Variants in NIPBL observed in about 807,000 individuals in gnomAD.
NIPBL encodes the protein nipped-B-like protein.
Under a neutral mutation model 321.8 loss-of-function variants are expected in NIPBL, and 19 were observed. The ratio of observed to expected loss-of-function variants is 0.06; its 90% CI spans 0.04 to 0.09. The LOEUF (loss-of-function observed/expected upper bound fraction) is 0.09. Ranked by LOEUF, NIPBL falls within the 10% of genes least tolerant of loss-of-function variation. NIPBL has a pLI of 1.00. For synonymous variants in NIPBL, 1,106 were observed against 1,114.1 expected, an observed-to-expected ratio of 0.99 and a Z score of 0.14; for missense variants, 2,210 against 3,327.0, an observed-to-expected ratio of 0.66 and a Z score of 8.26.
intron 11 of NIPBL, among the ~76,000 whole-genome samples, chr5:36,998,137 G>C (rs920898213): frequency 1.3e-5 from 2 of 152,060 alleles, no homozygotes; most frequent in Admixed American, 1.3e-4. Context: ...GAACACCCAA[G>C]TCATGTTTTA....
intron 9 of NIPBL, among the ~76,000 whole-genome samples, chr5:36,983,912 T>C (rs950785305): frequency 6.6e-6 from 1 of 152,034 alleles, no homozygotes; most frequent in African/African-American, 2.4e-5. Context: ...GAGTAGGAAC[T>C]GTTTCCTTCA....
intron 1 of NIPBL, among the ~76,000 whole-genome samples, chr5:36,952,332 A>T (rs1022133532): frequency 6.6e-6 from 1 of 152,152 alleles, no homozygotes; most frequent in Non-Finnish European, 1.5e-5. Flanking sequence ...AACCTTAAAA[A>T]GATAAATATT....
chr5:36,942,043 T>A (rs1739117094), intron 1 of NIPBL, among the ~76,000 whole-genome samples: 1 of 152,200 alleles, frequency 6.6e-6, no homozygotes, highest in Non-Finnish European at 1.5e-5. Flanking sequence ...CATTGATAGC[T>A]TCTTTTTCTG....
At position 36,985,085 on chromosome 5, in the gene NIPBL, A is replaced by T; in HGVS notation, c.1905A>T (p.Ser635=). The T allele has an allele frequency of 6.2e-7, 1 of 1,613,956 alleles. No individual in the cohort carries two copies. Among genetic ancestry groups the T allele is most frequent in the East Asian group, 2.2e-5 (1 of 44,880 alleles). ...PNENRLVETK[S]SENKLETKVE... ...AAAACCGATTGGTGGAGACAAAATC[A>T]AGTGAAAATAAGTTAGAAACTAAAG... Residue 635 remains serine, a synonymous_variant, in exon 10 of 47, where the codon TCA becomes TCT. Transcript: ENST00000282516.
rs117854925 is a variant in NIPBL, at chr5:36,899,849, T to C, written c.-80+22671T>C. Among the ~76,000 whole-genome samples, 70 of 152,342 alleles carry C rather than the reference T, an allele frequency of 4.6e-4. No individual in the cohort carries two copies. In the East Asian group the frequency reaches 0.013, roughly 29 times the overall value. On this transcript the variant is annotated intron_variant, in intron 1 of 46. Coordinates refer to ENST00000282516, the MANE Select transcript of NIPBL (RefSeq NM_133433.4). ...TTTTCAGTATACTGTTCTTGGACTT[T>C]ATGACAGACTAGGGGTACTTAATGC... is the stretch of plus-strand genomic sequence containing the variant.
chr5:37,045,999 A>T (rs1752941574), intron 37 of NIPBL, 110 bp from the exon 38 acceptor site: 1 of 664,172 alleles, frequency 1.5e-6, no homozygotes, highest in Non-Finnish European at 2.7e-6. Context: ...TTATTTTTTT[A>T]ATAAAGTTCA....
intron 1 of NIPBL, among the ~76,000 whole-genome samples, chr5:36,913,964 A>G (rs1269628285): frequency 6.6e-6 from 1 of 152,196 alleles, no homozygotes; most frequent in African/African-American, 2.4e-5. Context: ...TCTTGCTCAC[A>G]TTACTTATCC....
intron 1 of NIPBL, among the ~76,000 whole-genome samples, chr5:36,901,874 G>A (rs766146430): frequency 2.6e-5 from 4 of 152,102 alleles, no homozygotes; most frequent in Non-Finnish European, 5.9e-5. Context: ...ATTCCCACCA[G>A]CAGTGTATAA....
chr5:37,063,366 A>G (rs1450426940), intron 45 of NIPBL, among the ~76,000 whole-genome samples: 1 of 152,210 alleles, frequency 6.6e-6, no homozygotes, highest in Non-Finnish European at 1.5e-5. Flanking sequence ...TTTCTCTTGT[A>G]TCGTCTTAGC....
chr5:36,962,854 G>A (rs1741781758), intron 6 of NIPBL, among the ~76,000 whole-genome samples: 1 of 151,984 alleles, frequency 6.6e-6, no homozygotes. Flanking sequence ...TAGTGCATAG[G>A]GCTATATGCA....
At chr5:36,973,710 C>T (rs1471055026) in intron 8 of NIPBL, among the ~76,000 whole-genome samples, 25 of 152,130 alleles carry the variant, frequency 1.6e-4, no homozygotes, top group Non-Finnish European at 1.5e-5. Flanking sequence ...ACCTCGTGAT[C>T]TGCCCGCCTC....
At chr5:37,051,516 T>G in intron 40 of NIPBL, 1 of 506,000 alleles carries the variant, frequency 2.0e-6, no homozygotes, top group Non-Finnish European at 3.5e-6. Context: ...TGAGAATGCT[T>G]TATGTTTAAA....
intron 22 of NIPBL, among the ~76,000 whole-genome samples, chr5:37,015,418 C>T (rs1748841012): frequency 6.6e-6 from 1 of 152,158 alleles, no homozygotes; most frequent in Non-Finnish European, 1.5e-5. Flanking sequence ...GCCACTGCGC[C>T]CAGCCCAGCC....
At chr5:36,961,985 T>A (rs1339732686) in intron 5 of NIPBL, 138 bp from the exon 6 acceptor site, 2 of 973,976 alleles carry the variant, frequency 2.1e-6, no homozygotes, top group Non-Finnish European at 3.1e-6. Flanking sequence ...TATTTGACTA[T>A]TTTGCAAGAT....
chr5:37,060,737 A>G (rs957338328), intron 44 of NIPBL, 107 bp from the exon 45 acceptor site: 2 of 921,100 alleles, frequency 2.2e-6, no homozygotes, highest in East Asian at 2.6e-5. Flanking sequence ...AAAAATAGAC[A>G]TGAGAAACTA....
intron 1 of NIPBL, among the ~76,000 whole-genome samples, chr5:36,936,541 T>C (rs185027246): frequency 6.6e-6 from 1 of 152,262 alleles, no homozygotes; most frequent in East Asian, 1.9e-4. Context: ...GTGATGAAAT[T>C]GCCTAATGGT....
At chr5:37,042,963 T>C (rs1752594232) in intron 34 of NIPBL, among the ~76,000 whole-genome samples, 1 of 151,858 alleles carries the variant, frequency 6.6e-6, no homozygotes, top group South Asian at 2.1e-4. Flanking sequence ...ACTGGGTGGC[T>C]GGAGGATAGA....
intron 32 of NIPBL, among the ~76,000 whole-genome samples, chr5:37,028,879 G>A (rs1389562742): frequency 3.9e-5 from 6 of 152,000 alleles, no homozygotes; most frequent in Non-Finnish European, 2.9e-5. Flanking sequence ...ATGTTAGTTT[G>A]CCCCTTACCT....
chr5:36,884,273 T>TA (rs1745722183), intron 1 of NIPBL, among the ~76,000 whole-genome samples: 1 of 152,180 alleles, frequency 6.6e-6, no homozygotes, highest in African/African-American at 2.4e-5. Context: ...TGTAATGTGT[T>TA]ACTTTCCCTG....
Sources: allele counts gnomAD v4.1 joint callset (sites outside exome capture counted in the v4.1 genomes callset), GRCh38; gene constraint gnomAD v4.1.1; transcripts MANE v1.5; gene names NCBI Gene and HGNC (gene_info 2026-07-23, HGNC 2026-07-21).